Variants in WASF2 observed in about 807,000 individuals in gnomAD.
WASF2 encodes WASP family member 2, also known as actin-binding protein WASF2.
Under a neutral mutation model 45.0 loss-of-function variants are expected in WASF2, and 14 were observed. The ratio of observed to expected loss-of-function variants is 0.31; its 90% confidence interval spans 0.21 to 0.49. The LOEUF is 0.49. Among genes scored for constraint, WASF2 ranks in the 20% least tolerant of loss-of-function variants. The pLI, the probability that WASF2 is intolerant of heterozygous loss-of-function variation, is 0.99. For missense variants in WASF2, 439 were observed against 636.1 expected, an observed-to-expected ratio of 0.69 and a Z score of 3.33; for synonymous variants, 200 against 236.3, an observed-to-expected ratio of 0.85 and a Z score of 1.41.
chr1:27,462,472 A>G (rs573260238), intron 1 of WASF2, among the ~76,000 whole-genome samples: 2 of 152,260 alleles, frequency 1.3e-5, no homozygotes, highest in South Asian at 2.1e-4. Context: ...CTTGAAGAAA[A>G]ACAAAAAAAG....
intron 1 of WASF2, among the ~76,000 whole-genome samples, chr1:27,448,354 G>C (rs1394062081): frequency 6.6e-6 from 1 of 152,076 alleles, no homozygotes; most frequent in Non-Finnish European, 1.5e-5. Flanking sequence ...CTGAGTGTAG[G>C]GTTTGACTAG....
intron 1 of WASF2, among the ~76,000 whole-genome samples, chr1:27,480,727 G>A (rs952152751): frequency 6.6e-6 from 1 of 151,894 alleles, no homozygotes; most frequent in Non-Finnish European, 1.5e-5. Flanking sequence ...AAGAATGCAT[G>A]TGTTGGGCCA....
chr1:27,477,026 C>T (rs2017775137), intron 1 of WASF2, among the ~76,000 whole-genome samples: 2 of 152,096 alleles, frequency 1.3e-5, no homozygotes, highest in Non-Finnish European at 2.9e-5. Flanking sequence ...AATACAGCTA[C>T]AAAAAGGCAA....
At chr1:27,482,859 A>T (rs2017871063) in intron 1 of WASF2, among the ~76,000 whole-genome samples, 1 of 152,130 alleles carries the variant, frequency 6.6e-6, no homozygotes, top group African/African-American at 2.4e-5. Flanking sequence ...CCCTATTGAT[A>T]CAGTAGCTCA....
In WASF2 at chr1:27,477,235, AT is replaced by A. The variant is rs60476345; in HGVS notation, c.-44+12750del. Among the ~76,000 whole-genome samples the A allele has an allele frequency of 2.1e-3, 320 of 152,236 alleles. 1 individual carries two copies. The East Asian group carries it at 0.056, about 27-fold the overall frequency. On this transcript the variant is annotated intron_variant, in intron 1 of 8. Coordinates refer to ENST00000618852, the MANE Select transcript of WASF2 (RefSeq NM_006990.5). ...CAGAGGGGCTTCTATATGAGTACAG[AT>A]TTTTTTTAAATGTCTTTTTAAGGCC...
chr1:27,481,572 G>A (rs1176891647), intron 1 of WASF2, among the ~76,000 whole-genome samples: 1 of 151,650 alleles, frequency 6.6e-6, no homozygotes, highest in South Asian at 2.1e-4. Context: ...GGGGGTGGGC[G>A]CCTGTAATCG....
rs200312302 is a variant in WASF2 at position 27,472,798 on chromosome 1, C to CA, written c.-44+17187dup. The stretch of plus-strand genomic sequence containing the variant: ...CAACAAAGCAAGACCCCATCTTTAC[C>CA]AAAAAAAAAAAAAAAGGAAGAAAAT... On this transcript the variant is annotated intron_variant, in intron 1 of 8. Coordinates refer to ENST00000618852, the MANE Select transcript of WASF2 (RefSeq NM_006990.5). 7.0e-3 allele frequency among the ~76,000 whole-genome samples: 884 copies of CA among 125,510 alleles called. 8 individuals are homozygous for CA. Among genetic ancestry groups the CA allele is most frequent in the African/African-American group, 0.011 (390 of 35,646 alleles). The allele number at this position is 125,510 out of a possible 152,430, so 82.3% of individuals were successfully genotyped here.
At chr1:27,434,396 A>T (rs1484173957) in intron 1 of WASF2, among the ~76,000 whole-genome samples, 1 of 152,218 alleles carries the variant, frequency 6.6e-6, no homozygotes, top group Non-Finnish European at 1.5e-5. Context: ...CCAGCTCTAA[A>T]ATTTCTAGAT....
At chr1:27,432,046 T>C (rs2017072198) in intron 1 of WASF2, among the ~76,000 whole-genome samples, 2 of 152,210 alleles carry the variant, frequency 1.3e-5, no homozygotes, top group South Asian at 4.1e-4. Flanking sequence ...ATTTTTCTTT[T>C]GGATAATCAA....
At chr1:27,412,235 C>T (rs2016771182) in intron 7 of WASF2, among the ~76,000 whole-genome samples, 1 of 152,144 alleles carries the variant, frequency 6.6e-6, no homozygotes, top group Non-Finnish European at 1.5e-5. Flanking sequence ...TGTTTTTGGT[C>T]TCGCTCTGTC....
At chr1:27,423,778 A>AG (rs1171616305) in intron 2 of WASF2, among the ~76,000 whole-genome samples, 2 of 147,232 alleles carry the variant, frequency 1.4e-5, no homozygotes, top group African/African-American at 4.9e-5. Context: ...CTTCAAATGA[A>AG]ATGTTACGTG....
rs942210927 is a variant in WASF2 at position 27,433,231 on chromosome 1, A to G, written c.-43-4298T>C. Among the ~76,000 whole-genome samples, 27 of 152,332 alleles carry G rather than the reference A, an allele frequency of 1.8e-4. 1 individual carries two copies. The Middle Eastern group carries it at 0.01, about 58-fold the overall frequency. ...TGATCCTGGACCTCCTGAAGAACAT[A>G]TACTATCTCTTTCTTCCAGTCTTTC... On this transcript the variant is annotated intron_variant, in intron 1 of 8. Coordinates refer to ENST00000618852, the MANE Select transcript of WASF2 (RefSeq NM_006990.5).
At chr1:27,482,310 T>C (rs1013700817) in intron 1 of WASF2, among the ~76,000 whole-genome samples, 8 of 152,224 alleles carry the variant, frequency 5.3e-5, no homozygotes, top group African/African-American at 1.9e-4. Context: ...CCAATCCGCC[T>C]GTCACAAAAA....
At chr1:27,459,055 A>G (rs1019266664) in intron 1 of WASF2, among the ~76,000 whole-genome samples, 2 of 146,498 alleles carry the variant, frequency 1.4e-5, no homozygotes, top group Non-Finnish European at 3.0e-5. Context: ...CAACCCAGGA[A>G]GCGGAGGTTG....
At position 27,409,892 on chromosome 1, in the gene WASF2, G is replaced by A. The variant is rs2016737292; in HGVS notation, c.1139C>T (p.Pro380Leu). Residue 380 changes from proline to leucine, a missense_variant, in exon 8 of 9, where the codon CCA becomes CTA. By Grantham distance (98) the Pro-to-Leu change is moderately conservative. Transcript: ENST00000618852. ...TCCTGTTGGCTGGGACAAGGGAGGTGGTGGCAGAGTTGGGTAGTCAGCTGC... is the reference window on the plus strand; with the variant it reads ...TCCTGTTGGCTGGGACAAGGGAGGTAGTGGCAGAGTTGGGTAGTCAGCTGC... ...PPAADYPTLP[P>L]PPLSQPTGGA... 8.2e-6 allele frequency: 13 copies of A among 1,578,412 alleles called. No homozygotes were observed. The highest frequency in any genetic ancestry group is 1.1e-5 in the Non-Finnish European group (13 of 1,159,118).
chr1:27,460,745 G>C (rs939012741), intron 1 of WASF2, among the ~76,000 whole-genome samples: 1 of 152,152 alleles, frequency 6.6e-6, no homozygotes, highest in Non-Finnish European at 1.5e-5. Context: ...ACTGTGAATA[G>C]AGCAAAATAG....
At chr1:27,419,683 G>A (rs900239777) in intron 2 of WASF2, among the ~76,000 whole-genome samples, 7 of 152,096 alleles carry the variant, frequency 4.6e-5, no homozygotes, top group African/African-American at 1.4e-4. Flanking sequence ...CTTATAAAAC[G>A]GTTCTGAAAA....
At chr1:27,413,201 C>T (rs1349311315) in intron 6 of WASF2, among the ~76,000 whole-genome samples, 1 of 152,150 alleles carries the variant, frequency 6.6e-6, no homozygotes, top group African/African-American at 2.4e-5. Flanking sequence ...CACTGGATTG[C>T]AAAATCAAGC....
At chr1:27,424,032 G>A (rs757456878) in intron 2 of WASF2, among the ~76,000 whole-genome samples, 1 of 152,208 alleles carries the variant, frequency 6.6e-6, no homozygotes, top group Non-Finnish European at 1.5e-5. Context: ...TACAGCAACC[G>A]AATATGCGAA....
Sources: gnomAD v4.1 joint callset for allele counts (sites outside exome capture counted in the v4.1 genomes callset) on GRCh38, gnomAD v4.1.1 for gene constraint, MANE v1.5 for transcripts, NCBI Gene and HGNC (gene_info 2026-07-23, HGNC 2026-07-21) for gene names.